The following THSD7B variants were observed in gnomAD, a reference collection of about 807,000 sequenced individuals.
The protein encoded by THSD7B is thrombospondin type 1 domain containing 7B, also known as thrombospondin type-1 domain-containing protein 7B.
In THSD7B, 138 loss-of-function variants were observed where a neutral mutation model predicts 213.6. The observed-to-expected ratio is 0.65, with a 90% CI of 0.56 to 0.74. THSD7B has a LOEUF of 0.74. Among genes scored for constraint, THSD7B ranks in the 30% least tolerant of loss-of-function variants. The pLI, the probability that THSD7B is intolerant of heterozygous loss-of-function variation, is 0.00. For missense variants in THSD7B, 1,931 were observed against 1,991.5 expected, an observed-to-expected ratio of 0.97 and a Z score of 0.58; for synonymous variants, 742 against 687.0, an observed-to-expected ratio of 1.08 and a Z score of -1.25.
At chr2:137,366,941 A>G (rs1463929127) in intron 12 of THSD7B, among the ~76,000 whole-genome samples, 1 of 152,192 alleles carries the variant, frequency 6.6e-6, no homozygotes, top group Non-Finnish European at 1.5e-5. Flanking sequence ...AAATACTTTT[A>G]AGGAATATAG....
intron 20 of THSD7B, among the ~76,000 whole-genome samples, chr2:137,628,190 T>C (rs558431852): frequency 1.1e-3 from 174 of 152,326 alleles, no homozygotes; most frequent in South Asian, 3.7e-3. Context: ...TATTGGAGAC[T>C]CCGTAGGATC....
At chr2:137,025,163 A>G (rs752109118) in intron 2 of THSD7B, among the ~76,000 whole-genome samples, 5 of 152,148 alleles carry the variant, frequency 3.3e-5, no homozygotes, top group Non-Finnish European at 7.4e-5. Flanking sequence ...CAAATAACAG[A>G]TGGCCCTGCC....
chr2:137,245,701 A>G (rs891823095), intron 10 of THSD7B, among the ~76,000 whole-genome samples: 2 of 152,190 alleles, frequency 1.3e-5, no homozygotes, highest in South Asian at 2.1e-4. Context: ...CCAGCCTAGT[A>G]TGGGGCATAT....
chr2:136,931,608 C>T (rs1368178909), intron 2 of THSD7B, among the ~76,000 whole-genome samples: 1 of 152,138 alleles, frequency 6.6e-6, no homozygotes, highest in Non-Finnish European at 1.5e-5. Flanking sequence ...TTTTGCTCCC[C>T]ATGTCCCTGT....
intron 1 of THSD7B, among the ~76,000 whole-genome samples, chr2:136,881,580 G>T (rs145508945): frequency 3.8e-3 from 572 of 152,172 alleles, no homozygotes; most frequent in Non-Finnish European, 4.4e-3. Flanking sequence ...CTGTACAGAA[G>T]AAACTTACTT....
chr2:137,487,389 A>AC (rs764255317), intron 15 of THSD7B, among the ~76,000 whole-genome samples: 4,295 of 140,458 alleles, frequency 0.031, 201 homozygotes, highest in Middle Eastern at 0.051. Context: ...AAAAAAAAAA[A>AC]AAAAAAAAAA....
intron 2 of THSD7B, among the ~76,000 whole-genome samples, chr2:136,922,883 C>G (rs1276437917): frequency 1.3e-5 from 2 of 152,126 alleles, no homozygotes; most frequent in African/African-American, 4.8e-5. Context: ...TGCCATTCCT[C>G]TATTTGTTCA....
chr2:137,470,910 C>CTTTTTTTTTTTTTTTTTTTTTTT, intron 15 of THSD7B, among the ~76,000 whole-genome samples: 1 of 119,822 alleles, frequency 8.3e-6, no homozygotes, highest in Non-Finnish European at 1.7e-5. Flanking sequence ...TTTTTCTTTA[C>CTTTTTTTTTTTTTTTTTTTTTTT]TTTTTTTTTT....
At chr2:137,309,498 TTTTA>T (rs201841752) in intron 12 of THSD7B, among the ~76,000 whole-genome samples, 2 of 150,624 alleles carry the variant, frequency 1.3e-5, no homozygotes, top group Admixed American at 6.6e-5. Context: ...ATATATATAA[TTTTA>T]TTTATTTTTT....
intron 2 of THSD7B, among the ~76,000 whole-genome samples, chr2:137,052,406 A>T (rs557795942): frequency 1.2e-4 from 19 of 152,266 alleles, no homozygotes; most frequent in African/African-American, 4.6e-4. Flanking sequence ...TTTAATACTT[A>T]AATTATTCTA....
At chr2:137,167,921 C>T (rs1325485073) in intron 6 of THSD7B, among the ~76,000 whole-genome samples, 1 of 152,172 alleles carries the variant, frequency 6.6e-6, no homozygotes, top group Non-Finnish European at 1.5e-5. Flanking sequence ...CAGGAGCCGA[C>T]TTTAATCTTT....
chr2:136,980,613 C>T (rs899766773), intron 2 of THSD7B, among the ~76,000 whole-genome samples: 1 of 152,130 alleles, frequency 6.6e-6, no homozygotes, highest in Non-Finnish European at 1.5e-5. Context: ...GGGAAAATGG[C>T]TGAAATTGAT....
chr2:136,961,213 A>G (rs1010402382), intron 2 of THSD7B, among the ~76,000 whole-genome samples: 2 of 129,698 alleles, frequency 1.5e-5, no homozygotes, highest in African/African-American at 5.9e-5. Context: ...ATTGACATGT[A>G]TTTTTCTTTT....
chr2:137,010,310 T>C (rs1369297232), intron 2 of THSD7B, among the ~76,000 whole-genome samples: 1 of 152,220 alleles, frequency 6.6e-6, no homozygotes, highest in East Asian at 1.9e-4. Flanking sequence ...ACTATATTAA[T>C]CTTCATATCT....
intron 7 of THSD7B, among the ~76,000 whole-genome samples, chr2:137,192,015 C>A (rs1462515167): frequency 6.6e-6 from 1 of 152,002 alleles, no homozygotes; most frequent in Admixed American, 6.6e-5. Flanking sequence ...ATAACTGAAT[C>A]TTTATGCTTT....
At chr2:136,882,498 C>T (rs150460983) in intron 2 of THSD7B, among the ~76,000 whole-genome samples, 181 bp downstream of exon 2, 3 of 152,282 alleles carry the variant, frequency 2.0e-5, no homozygotes, top group African/African-American at 7.2e-5. Context: ...TCTTCTCCAT[C>T]CATGATGCTT....
At chr2:137,307,206 G>A (rs954650560) in intron 12 of THSD7B, among the ~76,000 whole-genome samples, 1 of 152,044 alleles carries the variant, frequency 6.6e-6, no homozygotes, top group African/African-American at 2.4e-5. Context: ...ACCCTATTAG[G>A]TCTATTAGAT....
At chr2:137,191,057 T>C (rs1680647168) in intron 7 of THSD7B, among the ~76,000 whole-genome samples, 1 of 152,196 alleles carries the variant, frequency 6.6e-6, no homozygotes, top group Non-Finnish European at 1.5e-5. Context: ...TTACAAAAGA[T>C]CCTGGGGCCC....
At chr2:137,150,516 T>A (rs1186346154) in intron 5 of THSD7B, among the ~76,000 whole-genome samples, 1 of 152,112 alleles carries the variant, frequency 6.6e-6, no homozygotes, top group African/African-American at 2.4e-5. Flanking sequence ...ACTCTGCACT[T>A]CTCCTTGTTG....
Sources: gnomAD v4.1 joint callset for allele counts (sites outside exome capture counted in the v4.1 genomes callset) on GRCh38, gnomAD v4.1.1 for gene constraint, MANE v1.5 for transcripts, NCBI Gene and HGNC (gene_info 2026-07-23, HGNC 2026-07-21) for gene names.